TATDN3: variants seen among roughly 807,000 people sequenced by gnomAD.
The protein encoded by TATDN3 is TatD DNase domain containing 3.
A neutral mutation model predicts 40.1 loss-of-function variants in TATDN3; 29 were observed. That is an observed-to-expected ratio of 0.72 (90% confidence interval 0.54 to 0.99). TATDN3 has a LOEUF of 0.99. Among genes scored for constraint, TATDN3 ranks in the 50% least tolerant of loss-of-function variants. TATDN3 has a pLI of 0.00. For synonymous variants in TATDN3, 105 were observed against 117.0 expected, an observed-to-expected ratio of 0.90 and a Z score of 0.66; for missense variants, 309 against 321.9, an observed-to-expected ratio of 0.96 and a Z score of 0.31.
rs766704270 is a variant in TATDN3 at position 212,804,428 on chromosome 1, G to T, written c.430G>T (p.Val144Leu). 1.2e-6 allele frequency: 2 copies of T among 1,611,096 alleles called. No individual in the cohort carries two copies. The highest frequency in any genetic ancestry group is 2.7e-5 in the African/African-American group (2 of 74,864). The change falls in exon 6 of 10, where the codon GTA becomes TTA. Residue 144 changes from valine (V) to leucine (L), a missense_variant and splice_region_variant. Transcript: ENST00000366974. ...GTTAGCCAAAAGACTAAATTTGCCT[G>T]TGTAGGTTAATTATTTTCCTATGTT... ...IQLAKRLNLPVNVHSRSAGRP... is the reference protein window; with the variant it reads ...IQLAKRLNLPLNVHSRSAGRP...
intron 3 of TATDN3, 136 bp from the exon 4 acceptor site, chr1:212,796,976 T>TC: frequency 3.1e-6 from 2 of 635,232 alleles, no homozygotes; most frequent in Non-Finnish European, 5.6e-6. Flanking sequence ...CCTTAAGTGA[T>TC]CCACCTGGTT....
chr1:212,813,145 A>G (rs956632633), intron 9 of TATDN3, among the ~76,000 whole-genome samples: 3 of 152,184 alleles, frequency 2.0e-5, no homozygotes, highest in African/African-American at 4.8e-5. Flanking sequence ...ATGAAGTTCT[A>G]TTTCTTTCAA....
intron 1 of TATDN3, among the ~76,000 whole-genome samples, chr1:212,793,176 A>T (rs1323272742): frequency 1.3e-5 from 2 of 152,178 alleles, no homozygotes; most frequent in Non-Finnish European, 2.9e-5. Context: ...TTTGAAGCAC[A>T]ATGCAGATTC....
In TATDN3 at chr1:212,815,541, T is replaced by C. The variant is rs1663135411; in HGVS notation, c.*385T>C. The C allele has an allele frequency of 6.4e-6, 1 of 156,316 alleles. No homozygotes were observed. Among genetic ancestry groups the C allele is most frequent in the Admixed American group, 6.4e-5 (1 of 15,628 alleles). The allele number at this position is 156,316 out of a possible 1,614,324, so 9.7% of individuals were successfully genotyped here. On this transcript the variant is annotated 3_prime_UTR_variant, in exon 10 of 10. Transcript: ENST00000366974. ...AGCTAAAGTATACTTTTTTTTTTTTTTGATGGAGTTTCGCTGTTGTTGCCC... is the reference window on the plus strand; with the variant it reads ...AGCTAAAGTATACTTTTTTTTTTTTCTGATGGAGTTTCGCTGTTGTTGCCC...
Position 212,796,523 on chromosome 1 carries a change from G to A in TATDN3, c.106G>A (p.Val36Ile). Reference sequence around the variant, plus strand: ...TTCTTTTTTTTTTTTTCAGGCCAATGTTGTGGCCCTTGTGGCAGTTGCCGA... The same window carrying A: ...TTCTTTTTTTTTTTTTCAGGCCAATATTGTGGCCCTTGTGGCAGTTGCCGA... ...DVLEKAKKAN[V>I]VALVAVAEHS... Residue 36 changes from valine to isoleucine, a missense_variant, in exon 3 of 10, where the codon GTT (valine) becomes ATT (isoleucine). Coordinates refer to ENST00000366974, the MANE Select transcript of TATDN3 (RefSeq NM_001042552.3). 2.0e-6 allele frequency: 3 copies of A among 1,517,080 alleles called. No individual in the cohort carries two copies. The highest frequency in any genetic ancestry group is 2.6e-6 in the Non-Finnish European group (3 of 1,133,242). 94.0% of individuals were successfully genotyped at this position (1,517,080 alleles called of 1,614,324 possible).
chr1:212,807,174 G>A (rs1474925181), intron 7 of TATDN3, among the ~76,000 whole-genome samples: 1 of 151,602 alleles, frequency 6.6e-6, no homozygotes, highest in Non-Finnish European at 1.5e-5. Flanking sequence ...TTGAACTCCT[G>A]ACCTCAGGTG....
chr1:212,795,685 T>C (rs539610671), intron 2 of TATDN3, among the ~76,000 whole-genome samples: 16 of 152,312 alleles, frequency 1.1e-4, no homozygotes, highest in African/African-American at 3.6e-4. Context: ...AATGCTGGGA[T>C]TATAGGCATG....
Position 212,807,731 on chromosome 1 carries a change from G to C in TATDN3, c.488-5G>C. Reference sequence around the variant, plus strand: ...GAATACTGCCTTATCTTTCATTTTTGAAAGGTGCTGAGAAGGTACTGCTGC... The same window carrying C: ...GAATACTGCCTTATCTTTCATTTTTCAAAGGTGCTGAGAAGGTACTGCTGC... On this transcript the variant is annotated splice_region_variant and splice_polypyrimidine_tract_variant and intron_variant, in intron 7 of 9. Coordinates refer to ENST00000366974, the MANE Select transcript of TATDN3 (RefSeq NM_001042552.3). The C allele has an allele frequency of 6.3e-7, 1 of 1,590,318 alleles. No individual in the cohort carries two copies. Among genetic ancestry groups the C allele is most frequent in the Non-Finnish European group, 8.5e-7 (1 of 1,173,030 alleles).
intron 5 of TATDN3, 36 bp from the exon 6 acceptor site, chr1:212,804,284 C>T (rs766754708): frequency 5.9e-6 from 9 of 1,522,368 alleles, no homozygotes; most frequent in Non-Finnish European, 8.2e-6. Context: ...GTTCCTTAAA[C>T]CTAAATATGT....
chr1:212,810,044 AAAAAT>A lies in TATDN3; in HGVS notation c.601-2198_601-2194del, dbSNP rs971510555. Among the ~76,000 whole-genome samples, 19 of 151,812 alleles carry A rather than the reference AAAAAT, an allele frequency of 1.3e-4. No homozygotes were observed. The East Asian group carries it at 1.7e-3, about 14-fold the overall frequency. ...CAAAAATAAATACATTAATTAATAA[AAAAAT>A]AAAATTTAAATTGCATAAGAACCTT... On this transcript the variant is annotated intron_variant, in intron 8 of 9. Transcript: ENST00000366974.
intron 2 of TATDN3, among the ~76,000 whole-genome samples, 198 bp from the exon 3 acceptor site, chr1:212,796,319 T>G (rs547426310): frequency 6.6e-6 from 1 of 152,340 alleles, no homozygotes; most frequent in South Asian, 2.1e-4. Flanking sequence ...TAGGTTTCTG[T>G]AAATTAAATG....
intron 3 of TATDN3, 36 bp from the exon 4 acceptor site, chr1:212,797,076 C>T: frequency 1.3e-6 from 2 of 1,502,724 alleles, no homozygotes; most frequent in Non-Finnish European, 9.3e-7. Context: ...TACTAGTCTA[C>T]TGTTCCTGCT....
At chr1:212,804,272 A>C in intron 5 of TATDN3, 48 bp from the exon 6 acceptor site, 1 of 1,345,284 alleles carries the variant, frequency 7.4e-7, no homozygotes, top group Non-Finnish European at 1.1e-6. Flanking sequence ...ATCTCTTTTG[A>C]GGTTCCTTAA....
intron 2 of TATDN3, among the ~76,000 whole-genome samples, chr1:212,795,654 C>G (rs10863999): frequency 0.42 from 64,385 of 152,030 alleles, 14,726 homozygotes; most frequent in Non-Finnish European, 0.51. Flanking sequence ...CTCAAGCAAT[C>G]TACCCACCTT....
At chr1:212,804,179 G>C in intron 5 of TATDN3, 141 bp from the exon 6 acceptor site, 1 of 542,384 alleles carries the variant, frequency 1.8e-6, no homozygotes, top group Non-Finnish European at 3.3e-6. Flanking sequence ...TATTTTTAAT[G>C]TGGCTACTAG....
chr1:212,803,755 G>A (rs79791186), intron 5 of TATDN3, among the ~76,000 whole-genome samples: 1 of 151,598 alleles, frequency 6.6e-6, no homozygotes, highest in Non-Finnish European at 1.5e-5. Context: ...AAAAAAAAAG[G>A]CTGGGCACAG....
At chr1:212,792,376 A>C (rs1661373127) in intron 1 of TATDN3, among the ~76,000 whole-genome samples, 1 of 151,876 alleles carries the variant, frequency 6.6e-6, no homozygotes, top group Non-Finnish European at 1.5e-5. Flanking sequence ...TCACGCCCGT[A>C]ATCCCAGCAC....
intron 9 of TATDN3, among the ~76,000 whole-genome samples, chr1:212,814,144 A>G (rs1266318168): frequency 2.0e-5 from 3 of 152,100 alleles, no homozygotes; most frequent in African/African-American, 7.2e-5. Context: ...ATTAATAAAC[A>G]TACTTTTCTT....
At position 212,806,271 on chromosome 1, in the gene TATDN3, ACCT is replaced by A. The variant is rs1161258218; in HGVS notation, c.488-1461_488-1459del. ...AGATAATCCATTTGACTGCTTAAAAACCTCCTGTTAGAAACAATTAGCTCACAG... is the reference window on the plus strand; with the variant it reads ...AGATAATCCATTTGACTGCTTAAAAACCTGTTAGAAACAATTAGCTCACAG... On this transcript the variant is annotated intron_variant, in intron 7 of 9. Transcript: ENST00000366974. 6.6e-5 allele frequency among the ~76,000 whole-genome samples: 10 copies of A among 150,512 alleles called. No homozygotes were observed. In the Admixed American group the frequency reaches 6.6e-4, roughly 10 times the overall value.
Sources: allele counts gnomAD v4.1 joint callset (sites outside exome capture counted in the v4.1 genomes callset), GRCh38; gene constraint gnomAD v4.1.1; transcripts MANE v1.5; gene names NCBI Gene and HGNC (gene_info 2026-07-23, HGNC 2026-07-21).